SLC25A12: variants seen among roughly 807,000 people sequenced by gnomAD.
The protein encoded by SLC25A12 is solute carrier family 25 member 12, also known as electrogenic aspartate/glutamate antiporter SLC25A12, mitochondrial.
SLC25A12 carries 32 observed loss-of-function variants against 83.3 expected under a neutral mutation model. The ratio of observed to expected loss-of-function variants is 0.38; its 90% confidence interval spans 0.29 to 0.52. The LOEUF is 0.52. Ranked by LOEUF, SLC25A12 falls within the 20% of genes least tolerant of loss-of-function variation. SLC25A12 has a pLI of 0.84. For missense variants in SLC25A12, 611 were observed against 835.6 expected (o/e 0.73, Z 3.31); for synonymous variants, 267 against 291.1 (o/e 0.92, Z 0.84).
In SLC25A12 at chr2:171,848,419, G is replaced by A. The variant is rs547923680; in HGVS notation, c.326-3911C>T. The A allele has an allele frequency of 3.4e-5, 13 of 379,572 alleles. No homozygotes were observed. In the East Asian group the frequency reaches 9.5e-4, roughly 28 times the overall value. 23.5% of individuals were successfully genotyped at this position (379,572 alleles called of 1,614,324 possible). On this transcript the variant is annotated intron_variant, in intron 4 of 17. Coordinates refer to ENST00000422440, the MANE Select transcript of SLC25A12 (RefSeq NM_003705.5). ...AGACCAAACATTCTTATTGTCAGGG[G>A]GAAAAGTTCCTCAGTAGCTGAATTT...
In SLC25A12 at chr2:171,783,853, C is replaced by G. The variant is rs956554029; in HGVS notation, c.*1421G>C. The stretch of plus-strand genomic sequence containing the variant: ...AGGGCCTCCAGGGAGCCTACAGTTG[C>G]AGTCACAGGGCTGTCAGCCATCAAT... On this transcript the variant is annotated 3_prime_UTR_variant, in exon 18 of 18. Transcript: ENST00000422440. Among the ~76,000 whole-genome samples the G allele has an allele frequency of 1.3e-5, 2 of 152,172 alleles. No homozygotes were observed. The highest frequency in any genetic ancestry group is 2.9e-5 in the Non-Finnish European group (2 of 68,026).
chr2:171,841,648 C>A (rs951302399), intron 5 of SLC25A12, among the ~76,000 whole-genome samples: 2 of 152,210 alleles, frequency 1.3e-5, no homozygotes, highest in Non-Finnish European at 2.9e-5. Context: ...GCTAGGATTA[C>A]AGGTGTGAGC....
chr2:171,855,982 G>A (rs547909588), intron 3 of SLC25A12, 33 bp from the exon 4 acceptor site: 3 of 1,162,854 alleles, frequency 2.6e-6, no homozygotes, highest in Middle Eastern at 3.8e-4. Flanking sequence ...ATTGGCTGGT[G>A]AAGAAAGGGA....
chr2:171,859,662 CA>C (rs1202486153), intron 3 of SLC25A12, among the ~76,000 whole-genome samples: 2 of 152,116 alleles, frequency 1.3e-5, no homozygotes, highest in African/African-American at 4.8e-5. Context: ...TACTGGTTAT[CA>C]GGGGCTGGTT....
At chr2:171,788,098 C>A in intron 15 of SLC25A12, 151 bp from the exon 16 acceptor site, 3 of 717,468 alleles carry the variant, frequency 4.2e-6, no homozygotes, top group Non-Finnish European at 4.8e-6. Context: ...GGGAAAAGGG[C>A]ATAGAAGCCT....
chr2:171,791,709 G>A, intron 14 of SLC25A12, 120 bp from the exon 15 acceptor site: 1 of 929,158 alleles, frequency 1.1e-6, no homozygotes, highest in Non-Finnish European at 1.8e-6. Context: ...CAAGCCTGAG[G>A]TGTCCCTTAA....
intron 15 of SLC25A12, among the ~76,000 whole-genome samples, chr2:171,789,104 C>T (rs186049118): frequency 1.2e-4 from 18 of 152,330 alleles, no homozygotes; most frequent in African/African-American, 4.1e-4. Context: ...AAGGCAAATG[C>T]TGCCCCCATT....
chr2:171,818,968 T>A (rs1684114195), intron 9 of SLC25A12, among the ~76,000 whole-genome samples: 1 of 151,326 alleles, frequency 6.6e-6, no homozygotes, highest in African/African-American at 2.4e-5. Flanking sequence ...AAACAAAATT[T>A]TTCTGTCTGC....
intron 9 of SLC25A12, among the ~76,000 whole-genome samples, chr2:171,823,433 A>G (rs924576429): frequency 6.6e-6 from 1 of 152,240 alleles, no homozygotes; most frequent in Non-Finnish European, 1.5e-5. Context: ...CAAGGACAGT[A>G]AAGATCAGAT....
intron 2 of SLC25A12, among the ~76,000 whole-genome samples, chr2:171,885,399 G>T (rs933668782): frequency 3.3e-5 from 5 of 151,468 alleles, no homozygotes; most frequent in Non-Finnish European, 4.4e-5. Flanking sequence ...TTTAGAAAAG[G>T]CTGGGCATGG....
chr2:171,787,820 T>C lies in SLC25A12; in HGVS notation c.1713A>G (p.Glu571=). The C allele has an allele frequency of 1.9e-6, 3 of 1,614,186 alleles. No individual in the cohort carries two copies. The highest frequency in any genetic ancestry group is 2.5e-6 in the Non-Finnish European group (3 of 1,180,020). Reference sequence around the variant, plus strand: ...TCCCTTTCCAAAATGCTGAGGGCCCTTCTTCCCGGAGAATCTTCCTGAAAC... The same window carrying C: ...TCCCTTTCCAAAATGCTGAGGGCCCCTCTTCCCGGAGAATCTTCCTGAAAC... ...IDCFRKILRE[E]GPSAFWKGTA... is the part of the protein sequence containing the mutation. The change falls in exon 16 of 18, where the codon GAA becomes GAG. Residue 571 remains glutamate (E), a synonymous_variant. Coordinates refer to ENST00000422440, the MANE Select transcript of SLC25A12 (RefSeq NM_003705.5).
intron 17 of SLC25A12, among the ~76,000 whole-genome samples, chr2:171,785,860 T>C (rs1332842734): frequency 2.0e-5 from 3 of 152,126 alleles, no homozygotes. Flanking sequence ...GGTTTCGAAC[T>C]TCTGGTCTAA....
intron 2 of SLC25A12, among the ~76,000 whole-genome samples, chr2:171,879,436 A>G (rs1401300025): frequency 1.3e-5 from 2 of 152,200 alleles, no homozygotes; most frequent in Non-Finnish European, 2.9e-5. Flanking sequence ...TGAATGATGC[A>G]ATTTCTAACA....
chr2:171,795,806 C>G (rs1027212461), intron 13 of SLC25A12, among the ~76,000 whole-genome samples: 5 of 142,476 alleles, frequency 3.5e-5, no homozygotes, highest in African/African-American at 7.7e-5. Context: ...TCCTCCTCTT[C>G]CTTCTCTCTT....
chr2:171,805,089 G>T (rs1683796144), intron 13 of SLC25A12, among the ~76,000 whole-genome samples: 1 of 144,392 alleles, frequency 6.9e-6, no homozygotes, highest in African/African-American at 2.5e-5. Context: ...TATTTTTTCT[G>T]TTTTTTTGTT....
chr2:171,819,900 T>G (rs1407789683), intron 9 of SLC25A12, among the ~76,000 whole-genome samples: 1 of 152,164 alleles, frequency 6.6e-6, no homozygotes, highest in Admixed American at 6.5e-5. Context: ...TAAAAAAGAA[T>G]GAGATCCTGT....
chr2:171,827,056 A>T (rs1684317654), intron 8 of SLC25A12, among the ~76,000 whole-genome samples, 174 bp from the exon 9 acceptor site: 1 of 152,220 alleles, frequency 6.6e-6, no homozygotes, highest in Admixed American at 6.5e-5. Context: ...GTTTTCATCA[A>T]CAAAAAGCAA....
intron 1 of SLC25A12, among the ~76,000 whole-genome samples, chr2:171,893,863 C>G (rs1272745020): frequency 6.6e-6 from 1 of 152,108 alleles, no homozygotes. Flanking sequence ...CTAGGTATCC[C>G]CAGCTTTACT....
chr2:171,810,831 A>C (rs1683933644), intron 11 of SLC25A12, among the ~76,000 whole-genome samples: 1 of 152,262 alleles, frequency 6.6e-6, no homozygotes, highest in African/African-American at 2.4e-5. Context: ...CAAAACTGCA[A>C]AGAAAAATGC....
Sources: allele counts gnomAD v4.1 joint callset (sites outside exome capture counted in the v4.1 genomes callset), GRCh38; gene constraint gnomAD v4.1.1; transcripts MANE v1.5; gene names NCBI Gene and HGNC (gene_info 2026-07-23, HGNC 2026-07-21).